Variants in C2 observed in about 807,000 individuals in gnomAD.
The protein encoded by C2 is C3/C5 convertase.
C2 carries 64 observed loss-of-function variants against 85.2 expected under a neutral mutation model. The ratio of observed to expected loss-of-function variants is 0.75; its 90% confidence interval spans 0.61 to 0.92. C2 has a LOEUF of 0.92. Ranked by LOEUF, C2 falls within the 40% of genes least tolerant of loss-of-function variation. The probability of loss-of-function intolerance (pLI) is 0.00; values close to 1 mark genes in which losing one functional copy is unlikely to be tolerated. For synonymous variants in C2, 311 were observed against 370.8 expected, an observed-to-expected ratio of 0.84 and a Z score of 1.85; for missense variants, 820 against 971.6, an observed-to-expected ratio of 0.84 and a Z score of 2.07.
In C2 at chr6:31,904,292, A is replaced by G. The variant is rs1050342623; in HGVS notation, c.73+3153A>G. Reference sequence around the variant, plus strand: ...GGGAAACGGACTATGAAATTTTCAAAAGAATTTTATTTTATTTTAATTAAT... The same window carrying G: ...GGGAAACGGACTATGAAATTTTCAAGAGAATTTTATTTTATTTTAATTAAT... On this transcript the variant is annotated intron_variant, in intron 1 of 3. Transcript: ENST00000452202. The surrounding 1 kb of genome is among the most constrained non-coding windows in gnomAD (Gnocchi z 4.4). Among the ~76,000 whole-genome samples the G allele has an allele frequency of 3.9e-5, 6 of 151,950 alleles. No individual in the cohort carries two copies. The highest frequency in any genetic ancestry group is 8.8e-5 in the Non-Finnish European group (6 of 68,010).
At position 31,927,785 on chromosome 6, in the gene C2, G is replaced by A; in HGVS notation, c.33G>A (p.Leu11=). Residue 11 remains leucine (L), a synonymous_variant, in exon 1 of 18, where the codon CTG becomes CTA. Coordinates refer to ENST00000299367, the MANE Select transcript of C2 (RefSeq NM_000063.6). The surrounding 1 kb of genome is among the most constrained non-coding windows in gnomAD (Gnocchi z 4.7). MGPLMVLFCL[L]FLYPGLADSA... is the part of the protein sequence containing the mutation. ...CACTGATGGTTCTTTTTTGCCTGCT[G>A]TTCCTGTACCCAGGTAGGAGGCAGG... 1 of 1,613,802 alleles carries A rather than the reference G, an allele frequency of 6.2e-7. No homozygotes were observed. The highest frequency in any genetic ancestry group is 8.5e-7 in the Non-Finnish European group (1 of 1,180,004).
At chr6:31,898,301 T>G (rs766593466), upstream of C2, among the ~76,000 whole-genome samples, 20 of 152,232 alleles carry the variant, frequency 1.3e-4, no homozygotes, top group Non-Finnish European at 2.5e-4. Flanking sequence ...CGAACGTCAT[T>G]ACTGACTGGT....
chr6:31,936,325 G>A (rs1050452067), intron 7 of C2: 36 of 500,460 alleles, frequency 7.2e-5, no homozygotes, highest in Admixed American at 9.5e-5. Context: ...ACACTGTCTG[G>A]TTTGCATGGC....
At position 31,944,048 on chromosome 6, in the gene C2, A is replaced by T; in HGVS notation, c.1810+55A>T. On this transcript the variant is annotated intron_variant, in intron 14 of 17. Coordinates refer to ENST00000299367, the MANE Select transcript of C2 (RefSeq NM_000063.6). The surrounding 1 kb of genome is among the most constrained non-coding windows in gnomAD (Gnocchi z 5.1). ...GCTGGGGCCGGGGTTTGGGGGTGAT[A>T]ACAAGGACTAGGCTGCAGTCCCCAA... 6.3e-7 allele frequency: 1 copy of T among 1,597,730 alleles called. No homozygotes were observed. Among genetic ancestry groups the T allele is most frequent in the East Asian group, 2.2e-5 (1 of 44,798 alleles).
At chr6:31,900,524 C>T (rs767451726), upstream of C2, 3 of 1,611,718 alleles carry the variant, frequency 1.9e-6, no homozygotes, top group Non-Finnish European at 2.5e-6. The surrounding 1 kb of genome is among the most constrained non-coding windows in gnomAD (Gnocchi z 9.7). Context: ...CTTCACCACA[C>T]CCTGCGGTGG....
At chr6:31,932,001 C>T (rs1330652996) in intron 3 of C2, among the ~76,000 whole-genome samples, 4 of 129,830 alleles carry the variant, frequency 3.1e-5, no homozygotes, top group African/African-American at 5.7e-5. Context: ...CTGACCCCCC[C>T]ACCTCCCTCC....
At chr6:31,909,055 G>A (rs936749537) in intron 1 of C2, among the ~76,000 whole-genome samples, 3 of 151,794 alleles carry the variant, frequency 2.0e-5, no homozygotes, top group South Asian at 2.1e-4. Context: ...AGGTTTTCCC[G>A]GACAGTTTAG....
chr6:31,898,133 G>A (rs1480197881), upstream of C2, among the ~76,000 whole-genome samples: 1 of 152,174 alleles, frequency 6.6e-6, no homozygotes, highest in Non-Finnish European at 1.5e-5. Flanking sequence ...CGATAGGGAC[G>A]CGGAGGACAC....
chr6:31,902,658 C>T (rs894822543), intron 1 of C2, among the ~76,000 whole-genome samples: 30 of 152,326 alleles, frequency 2.0e-4, no homozygotes, highest in Admixed American at 6.5e-4. Context: ...CGCCTCAGCC[C>T]TTCAGGCCTG....
chr6:31,897,886 C>G (rs1766802924), upstream of C2: 1 of 1,054,534 alleles, frequency 9.5e-7, no homozygotes, highest in Non-Finnish European at 1.1e-6. Flanking sequence ...CTGCAGGGAC[C>G]GAGGGCGAGA....
At chr6:31,941,978 T>C (rs1281534642) in intron 9 of C2, among the ~76,000 whole-genome samples, 1 of 151,766 alleles carries the variant, frequency 6.6e-6, no homozygotes, top group Non-Finnish European at 1.5e-5. Context: ...CCAGCATGTC[T>C]GGCTAATTTT....
At chr6:31,901,901 A>T (rs1388524283) in intron 1 of C2, 2 of 126,298 alleles carry the variant, frequency 1.6e-5, no homozygotes, top group African/African-American at 6.0e-5. Context: ...CGGGGCCGGC[A>T]GCGACCCCCA....
At chr6:31,919,458 A>G (rs1276793493), upstream of C2, among the ~76,000 whole-genome samples, 1 of 152,084 alleles carries the variant, frequency 6.6e-6, no homozygotes, top group African/African-American at 2.4e-5. Flanking sequence ...AATAGGTATC[A>G]TATGTACCCA....
intron 1 of C2, among the ~76,000 whole-genome samples, chr6:31,912,083 T>G (rs1768151713): frequency 6.6e-6 from 1 of 152,108 alleles, no homozygotes; most frequent in Non-Finnish European, 1.5e-5. Context: ...GATTCTGCAT[T>G]TCTACAAGTT....
In C2 at chr6:31,934,186, C is replaced by T; in HGVS notation, c.736C>T (p.Gln246Ter). 6.2e-7 allele frequency: 1 copy of T among 1,614,176 alleles called. No homozygotes were observed. Among genetic ancestry groups the T allele is most frequent in the Non-Finnish European group, 8.5e-7 (1 of 1,180,028 alleles). ...TCCAGAAAGCCTGGGCCGTAAAATCCAAATCCAGCGCTCTGGTCATCTGAA... is the reference window on the plus strand; with the variant it reads ...TCCAGAAAGCCTGGGCCGTAAAATCTAAATCCAGCGCTCTGGTCATCTGAA... Reference protein sequence around the residue: ...KTKESLGRKIQIQRSGHLNLY... With the variant: ...KTKESLGRKI The change falls in exon 6 of 18, where the codon CAA becomes TAA. Residue 246 changes from glutamine (Q) to a stop codon, truncating the protein, a stop_gained. Coordinates refer to ENST00000299367, the MANE Select transcript of C2 (RefSeq NM_000063.6). LOFTEE classifies it high-confidence loss of function.
At chr6:31,933,141 G>A (rs1033005162) in intron 3 of C2, among the ~76,000 whole-genome samples, 3 of 152,118 alleles carry the variant, frequency 2.0e-5, no homozygotes, top group African/African-American at 7.2e-5. Flanking sequence ...GGGAGAGGGT[G>A]AGGGAGAGGG....
At position 31,942,866 on chromosome 6, in the gene C2, G is replaced by T. The variant is rs1227614105; in HGVS notation, c.1220-93G>T. 3.9e-6 allele frequency: 6 copies of T among 1,537,332 alleles called. No individual in the cohort carries two copies. In the Admixed American group the frequency reaches 1.0e-4, roughly 26 times the overall value. On this transcript the variant is annotated intron_variant, in intron 9 of 17. Transcript: ENST00000299367. ...CAGGGGTCCAGCTCATGTAGGTCTT[G>T]ATTGGACACAGTGAGTTTCAGATGA...
In C2 at chr6:31,944,322, C is replaced by T. The variant is rs775697393; in HGVS notation, c.1902+96C>T. ...AGGTCTGGCTGCTTTCTCTCTCTGA[C>T]GCGGGTCACCCCTCCTCCCAAGCCT... On this transcript the variant is annotated intron_variant, in intron 15 of 17. Transcript: ENST00000299367. This position sits in a 1 kb window ranked among gnomAD's most constrained non-coding sequence, Gnocchi z 5.1. 10 of 874,462 alleles carry T rather than the reference C, an allele frequency of 1.1e-5. 1 individual carries two copies. Among genetic ancestry groups the T allele is most frequent in the Middle Eastern group, 5.4e-4 (2 of 3,712 alleles). 54.2% of individuals were successfully genotyped at this position (874,462 alleles called of 1,614,324 possible). A position where few individuals can be genotyped will look rare whatever the true frequency, so the allele number is the denominator to read the frequency against.
At chr6:31,900,130 G>A (rs759151475), upstream of C2, 7 of 1,613,942 alleles carry the variant, frequency 4.3e-6, no homozygotes, top group African/African-American at 4.0e-5. The surrounding 1 kb of genome is among the most constrained non-coding windows in gnomAD (Gnocchi z 9.7). Flanking sequence ...AGCACTTGCC[G>A]CAGATGCCGC....
Sources: allele counts gnomAD v4.1 joint callset (sites outside exome capture counted in the v4.1 genomes callset), GRCh38; gene constraint gnomAD v4.1.1; non-coding constraint Gnocchi (gnomAD v3.1); transcripts MANE v1.5; gene names NCBI Gene and HGNC (gene_info 2026-07-23, HGNC 2026-07-21).